The following SKIC3 variants were observed in gnomAD, a reference collection of about 807,000 sequenced individuals.
SKIC3 encodes the protein SKI3 subunit of superkiller complex, also known as superkiller complex protein 3.
At chr5:95,482,799 G>A in the SKIC3 span, among the ~76,000 whole-genome samples, 1 of 152,172 alleles carries the variant, frequency 6.6e-6, no homozygotes, top group Non-Finnish European at 1.5e-5. Flanking sequence ...TGAACAGCCT[G>A]TAAATATCAA....
At chr5:95,549,896 C>T in the SKIC3 span, among the ~76,000 whole-genome samples, 2 of 151,932 alleles carry the variant, frequency 1.3e-5, no homozygotes, top group East Asian at 1.9e-4. Flanking sequence ...AATGATTCCA[C>T]GTAACCCCAT....
chr5:95,528,929 C>T, the SKIC3 span: 1 of 1,298,394 alleles, frequency 7.7e-7, no homozygotes, highest in Non-Finnish European at 1.1e-6. Context: ...AAATCACTAT[C>T]TTTGTCCTTT....
the SKIC3 span, chr5:95,509,774 A>T: frequency 1.2e-6 from 1 of 843,468 alleles, no homozygotes. Context: ...TATCTTAAAT[A>T]TCAGATTACC....
chr5:95,517,150 C>T, the SKIC3 span: 1 of 1,613,372 alleles, frequency 6.2e-7, no homozygotes, highest in Non-Finnish European at 8.5e-7. Context: ...AATTACCTTC[C>T]TCCAAGGTGG....
At chr5:95,469,876 A>G in the SKIC3 span, 1 of 1,614,068 alleles carries the variant, frequency 6.2e-7, no homozygotes, top group Non-Finnish European at 8.5e-7. Flanking sequence ...AGCCTCTTGA[A>G]CCAAAGATGG....
At chr5:95,472,094 A>G in the SKIC3 span, among the ~76,000 whole-genome samples, 1 of 152,168 alleles carries the variant, frequency 6.6e-6, no homozygotes, top group Non-Finnish European at 1.5e-5. Context: ...GCAATGTGGA[A>G]ACTTCAGATT....
chr5:95,483,111 C>T, the SKIC3 span, among the ~76,000 whole-genome samples: 18 of 152,124 alleles, frequency 1.2e-4, no homozygotes, highest in Admixed American at 2.0e-4. Flanking sequence ...TCAAGTACTG[C>T]GAGTAAGAAA....
At chr5:95,496,951 T>C in the SKIC3 span, among the ~76,000 whole-genome samples, 1 of 152,226 alleles carries the variant, frequency 6.6e-6, no homozygotes, top group Non-Finnish European at 1.5e-5. Flanking sequence ...ATATAGTATA[T>C]AATCCTTCAT....
the SKIC3 span, among the ~76,000 whole-genome samples, chr5:95,469,265 A>G: frequency 6.6e-6 from 1 of 152,178 alleles, no homozygotes; most frequent in African/African-American, 2.4e-5. Context: ...CAACATAAAC[A>G]TTGCTATAGA....
the SKIC3 span, among the ~76,000 whole-genome samples, chr5:95,468,545 T>C: frequency 2.0e-5 from 3 of 152,178 alleles, no homozygotes; most frequent in Admixed American, 6.5e-5. Flanking sequence ...TGTGTTCTAA[T>C]TTTTTCTTTC....
At chr5:95,521,875 G>T in the SKIC3 span, among the ~76,000 whole-genome samples, 7 of 152,124 alleles carry the variant, frequency 4.6e-5, no homozygotes, top group South Asian at 1.5e-3. Context: ...TGTGAAACAA[G>T]ATTTGATCTT....
chr5:95,535,606 G>A, the SKIC3 span, among the ~76,000 whole-genome samples: 50 of 151,514 alleles, frequency 3.3e-4, no homozygotes, highest in Non-Finnish European at 5.9e-4. Flanking sequence ...CACCGCGCCC[G>A]GCCAGTAACA....
the SKIC3 span, among the ~76,000 whole-genome samples, chr5:95,466,946 G>A: frequency 3.9e-4 from 59 of 152,062 alleles, 1 homozygote; most frequent in African/African-American, 1.3e-3. Flanking sequence ...AAATAACAAC[G>A]GTAAATAAAT....
At chr5:95,526,778 G>T in the SKIC3 span, among the ~76,000 whole-genome samples, 1 of 152,172 alleles carries the variant, frequency 6.6e-6, no homozygotes, top group East Asian at 1.9e-4. Flanking sequence ...GCCTTTGTGT[G>T]ATGTTAGTAG....
chr5:95,480,588 G>C, the SKIC3 span, among the ~76,000 whole-genome samples: 1 of 152,104 alleles, frequency 6.6e-6, no homozygotes, highest in Non-Finnish European at 1.5e-5. Context: ...TGCACTGCTG[G>C]TGCAAGTGTA....
the SKIC3 span, chr5:95,523,257 G>A: frequency 6.2e-7 from 1 of 1,613,880 alleles, no homozygotes; most frequent in African/African-American, 1.3e-5. Flanking sequence ...CCTCGCCTAA[G>A]CCAGGCCCAT....
At chr5:95,528,037 C>T in the SKIC3 span, 12 of 1,613,532 alleles carry the variant, frequency 7.4e-6, no homozygotes, top group Admixed American at 1.7e-5. Context: ...GAATTGCTTC[C>T]TCTGAAGAGT....
the SKIC3 span, among the ~76,000 whole-genome samples, chr5:95,517,489 G>A: frequency 1.2e-4 from 18 of 152,076 alleles, no homozygotes; most frequent in Non-Finnish European, 2.4e-4. Flanking sequence ...AAGAAGAAAA[G>A]GAGAAAGGGA....
At chr5:95,484,091 AC>A in the SKIC3 span, among the ~76,000 whole-genome samples, 4 of 152,180 alleles carry the variant, frequency 2.6e-5, no homozygotes, top group Admixed American at 2.6e-4. Context: ...AGTTCAAATC[AC>A]AACTCTATCC....
Sources: gnomAD v4.1 joint callset for allele counts (sites outside exome capture counted in the v4.1 genomes callset) on GRCh38, gnomAD v4.1.1 for gene constraint, MANE v1.5 for transcripts, NCBI Gene and HGNC (gene_info 2026-07-23, HGNC 2026-07-21) for gene names.